The following ZNF483 variants were observed in gnomAD, a reference collection of about 807,000 sequenced individuals.
ZNF483 encodes the protein zinc finger protein HIT-10.
In ZNF483, 9 loss-of-function variants were observed where a neutral mutation model predicts 28.6. The ratio of observed to expected loss-of-function variants is 0.32; its 90% CI spans 0.19 to 0.55. The LOEUF is 0.55. Among genes scored for constraint, ZNF483 ranks in the 20% least tolerant of loss-of-function variants. ZNF483 has a pLI of 0.93. For missense variants in ZNF483, 675 were observed against 871.7 expected, an observed-to-expected ratio of 0.77 and a Z score of 2.84; for synonymous variants, 322 against 306.2, an observed-to-expected ratio of 1.05 and a Z score of -0.54.
At position 111,538,461 on chromosome 9, in the gene ZNF483, G is replaced by A. The variant is rs140574017; in HGVS notation, c.722-3196G>A. Among the ~76,000 whole-genome samples the A allele has an allele frequency of 8.7e-4, 130 of 150,048 alleles. 1 individual carries two copies. Among genetic ancestry groups the A allele is most frequent in the Middle Eastern group, 3.4e-3 (1 of 292 alleles). On this transcript the variant is annotated intron_variant, in intron 5 of 5. Transcript: ENST00000309235. Reference sequence around the variant, plus strand: ...GCTATAATCATGCCACTGTACTCCAGCCTGGATGACAGAACAAGACCCCAT... The same window carrying A: ...GCTATAATCATGCCACTGTACTCCAACCTGGATGACAGAACAAGACCCCAT...
downstream of ZNF483, among the ~76,000 whole-genome samples, chr9:111,559,066 C>T (rs1828200965): frequency 6.6e-6 from 1 of 152,124 alleles, no homozygotes; most frequent in South Asian, 2.1e-4. Context: ...GCTCTGTCTG[C>T]TCATGCTGGG....
intron 2 of ZNF483, among the ~76,000 whole-genome samples, chr9:111,530,413 G>A (rs186694710): frequency 8.5e-5 from 13 of 152,108 alleles, no homozygotes; most frequent in South Asian, 6.2e-4. Flanking sequence ...TGTTACGTGA[G>A]CCACTCTAGC....
At chr9:111,536,014 A>G (rs1239807856) in intron 5 of ZNF483, among the ~76,000 whole-genome samples, 2 of 148,964 alleles carry the variant, frequency 1.3e-5, no homozygotes, top group Non-Finnish European at 3.0e-5. Flanking sequence ...TCAGCCTCCC[A>G]ACTAGCTGGG....
At chr9:111,529,668 T>G (rs1041224037) in intron 2 of ZNF483, among the ~76,000 whole-genome samples, 2 of 152,260 alleles carry the variant, frequency 1.3e-5, no homozygotes, top group African/African-American at 2.4e-5. Flanking sequence ...ATTTTTAAAC[T>G]GAGGGTATAC....
In ZNF483 at chr9:111,553,190, T is replaced by C. The variant is rs781390540; in HGVS notation, c.*10020T>C. 6.6e-6 allele frequency among the ~76,000 whole-genome samples: 1 copy of C among 152,180 alleles called. No individual in the cohort carries two copies. Among genetic ancestry groups the C allele is most frequent in the African/African-American group, 2.4e-5 (1 of 41,442 alleles). Reference sequence around the variant, plus strand: ...TATCTACTATGTATCTTTAACACTTTTGAATAGAACAAACAGCTTTTCCAT... The same window carrying C: ...TATCTACTATGTATCTTTAACACTTCTGAATAGAACAAACAGCTTTTCCAT... On this transcript the variant is annotated 3_prime_UTR_variant, in exon 6 of 6. Coordinates refer to ENST00000309235, the MANE Select transcript of ZNF483 (RefSeq NM_133464.5).
intron 3 of ZNF483, among the ~76,000 whole-genome samples, chr9:111,532,798 A>G (rs1827381936): frequency 6.6e-6 from 1 of 152,070 alleles, no homozygotes; most frequent in Admixed American, 6.6e-5. Context: ...AATCCCAGCT[A>G]CTTGAGAGGC....
chr9:111,574,830 A>G lies in ZNF483; in HGVS notation c.722-1535A>G, dbSNP rs1286356286. The G allele has an allele frequency of 3.1e-6, 5 of 1,612,440 alleles. No homozygotes were observed. The African/African-American group carries it at 6.7e-5, about 22-fold the overall frequency. ...ATCTGGCCGATAACAGTGTTTGAAA[A>G]CTCTCCACCTACCTAAACAGATAGC... On this transcript the variant is annotated intron_variant, in intron 5 of 5. Transcript: ENST00000358151.
At chr9:111,539,312 A>G (rs1827608360) in intron 5 of ZNF483, 1 of 356,368 alleles carries the variant, frequency 2.8e-6, no homozygotes, top group South Asian at 2.2e-5. Flanking sequence ...TTACGCATTA[A>G]ATTTGCAAAG....
chr9:111,540,206 A>G (rs992771724), intron 5 of ZNF483, among the ~76,000 whole-genome samples: 1 of 152,216 alleles, frequency 6.6e-6, no homozygotes, highest in African/African-American at 2.4e-5. Context: ...GAGTAACAAT[A>G]CAAAGTGAAA....
At position 111,567,475 on chromosome 9, in the gene ZNF483, G is replaced by A. The variant is rs118000247; in HGVS notation, c.722-8890G>A. ...GCTGGGATTACAAGTGTGAACCACC[G>A]TGCCAGTCCAGACGGCACTTTTTAG... On this transcript the variant is annotated intron_variant, in intron 5 of 5. Transcript: ENST00000358151. 7.0e-3 allele frequency among the ~76,000 whole-genome samples: 1,072 copies of A among 152,266 alleles called. 4 individuals carry two copies. Among genetic ancestry groups the A allele is most frequent in the Middle Eastern group, 0.014 (4 of 294 alleles).
In ZNF483 at chr9:111,553,471, CA is replaced by C. The variant is rs1169902201; in HGVS notation, c.*10302del. Reference sequence around the variant, plus strand: ...GTATCACTGTAACTTGTGCTGTTTGCATAGGTATACTCTATCTTGTGCTATC... The same window carrying C: ...GTATCACTGTAACTTGTGCTGTTTGCTAGGTATACTCTATCTTGTGCTATC... On this transcript the variant is annotated 3_prime_UTR_variant, in exon 6 of 6. Coordinates refer to ENST00000309235, the MANE Select transcript of ZNF483 (RefSeq NM_133464.5). Among the ~76,000 whole-genome samples, 2 of 152,000 alleles carry C rather than the reference CA, an allele frequency of 1.3e-5. No individual in the cohort carries two copies. Among genetic ancestry groups the C allele is most frequent in the Non-Finnish European group, 2.9e-5 (2 of 68,008 alleles).
At chr9:111,562,349 C>G (rs1828352989) in intron 5 of ZNF483, among the ~76,000 whole-genome samples, 1 of 150,708 alleles carries the variant, frequency 6.6e-6, no homozygotes, top group Admixed American at 6.6e-5. Flanking sequence ...AATCTCAGCT[C>G]ACTGAAACTT....
At position 111,549,449 on chromosome 9, in the gene ZNF483, A is replaced by G. The variant is rs937872128; in HGVS notation, c.*6279A>G. 7.2e-5 allele frequency among the ~76,000 whole-genome samples: 11 copies of G among 152,172 alleles called. No homozygotes were observed. Among genetic ancestry groups the G allele is most frequent in the African/African-American group, 2.7e-4 (11 of 41,442 alleles). ...GGTGCTCAGTAAGTTGTGATTTCCA[A>G]GCAAAGTGTTTTTCACCCTGAGAAA... On this transcript the variant is annotated 3_prime_UTR_variant, in exon 6 of 6. Transcript: ENST00000309235.
chr9:111,534,966 G>A (rs1303931438), intron 5 of ZNF483, among the ~76,000 whole-genome samples: 48 of 151,944 alleles, frequency 3.2e-4, no homozygotes, highest in Admixed American at 7.2e-4. Context: ...CTCGTGATCG[G>A]CCTGCCTCGG....
rs766367340 is a variant in ZNF483, at chr9:111,547,996, A to G, written c.*4826A>G. ...TTCTTTGGTCTATATGTTTGTCTTT[A>G]TGCCAGTACCATGCTATTTTGATTA... On this transcript the variant is annotated 3_prime_UTR_variant, in exon 6 of 6. Transcript: ENST00000309235. Among the ~76,000 whole-genome samples the G allele has an allele frequency of 3.3e-5, 5 of 152,096 alleles. No homozygotes were observed. Among genetic ancestry groups the G allele is most frequent in the Non-Finnish European group, 5.9e-5 (4 of 68,000 alleles).
exon 6 of ZNF483, chr9:111,576,444 T>A: frequency 6.2e-7 from 1 of 1,613,880 alleles, no homozygotes; most frequent in Non-Finnish European, 8.5e-7. Context: ...GTTTCAACTG[T>A]TACACAGAGA....
At position 111,561,084 on chromosome 9, in the gene ZNF483, A is replaced by AATATAT. The variant is rs368827456; in HGVS notation, c.722-15259_722-15254dup. Among the ~76,000 whole-genome samples the AATATAT allele has an allele frequency of 7.7e-3, 157 of 20,340 alleles. 5 individuals carry two copies. Among genetic ancestry groups the AATATAT allele is most frequent in the Middle Eastern group, 0.021 (1 of 48 alleles). 13.3% of individuals were successfully genotyped at this position (20,340 alleles called of 152,430 possible). A position where few individuals can be genotyped will look rare whatever the true frequency, so the allele number is the denominator to read the frequency against. On this transcript the variant is annotated intron_variant, in intron 5 of 5. Transcript: ENST00000358151. ...GGCAACAGAGTGAGACTCCATCTAA[A>AATATAT]ATATATATATATATATATATATATA...
At chr9:111,575,887 T>C (rs1829032449) in intron 5 of ZNF483, among the ~76,000 whole-genome samples, 1 of 151,718 alleles carries the variant, frequency 6.6e-6, no homozygotes, top group Non-Finnish European at 1.5e-5. Context: ...AAAAGAAAAA[T>C]AGATTAATTG....
At chr9:111,577,534 A>T (rs75485553) in exon 6 of ZNF483, 10,185 of 152,286 alleles carry the variant, frequency 0.067, 589 homozygotes, top group African/African-American at 0.15. Flanking sequence ...TATACTTCAT[A>T]GCCAGAAAGT....
Sources: gnomAD v4.1 joint callset for allele counts (sites outside exome capture counted in the v4.1 genomes callset) on GRCh38, gnomAD v4.1.1 for gene constraint, MANE v1.5 for transcripts, NCBI Gene and HGNC (gene_info 2026-07-23, HGNC 2026-07-21) for gene names.